The following SPICE1 variants were observed in gnomAD, a reference collection of about 807,000 sequenced individuals.
The protein encoded by SPICE1 is spindle and centriole associated protein 1.
Under a neutral mutation model 102.7 loss-of-function variants are expected in SPICE1, and 75 were observed. The ratio of observed to expected loss-of-function variants is 0.73; its 90% CI spans 0.61 to 0.88. The LOEUF (loss-of-function observed/expected upper bound fraction) is 0.88, where lower values mean the gene tolerates loss of function less well. SPICE1 is among the 40% of genes least tolerant of loss of function. The pLI is 0.00. For missense variants in SPICE1, 979 were observed against 1,020.1 expected (o/e 0.96, Z 0.55); for synonymous variants, 308 against 350.3 (o/e 0.88, Z 1.35).
At chr3:113,492,189 G>T (rs1268917606) in intron 6 of SPICE1, among the ~76,000 whole-genome samples, 1 of 152,164 alleles carries the variant, frequency 6.6e-6, no homozygotes, top group East Asian at 1.9e-4. Flanking sequence ...ATGGTAAAAG[G>T]TTTTTGGCTA....
At chr3:113,451,749 T>C (rs1406045593) in intron 14 of SPICE1, among the ~76,000 whole-genome samples, 1 of 152,176 alleles carries the variant, frequency 6.6e-6, no homozygotes, top group African/African-American at 2.4e-5. Context: ...CCACTACCAA[T>C]GGCTGGCTGC....
At chr3:113,493,958 T>C (rs559721787) in intron 5 of SPICE1, 91 bp downstream of exon 5, 2 of 797,080 alleles carry the variant, frequency 2.5e-6, no homozygotes, top group South Asian at 1.8e-5. Flanking sequence ...ATAAATAATA[T>C]GATGCCTAAG....
Position 113,506,562 on chromosome 3 carries a change from A to G in SPICE1, c.44T>C (p.Val15Ala). 3 of 1,613,628 alleles carry G rather than the reference A, an allele frequency of 1.9e-6. No homozygotes were observed. Reference protein sequence around the residue: ...RVNRCGPRVGVRKTPKVKKKK... With the variant: ...RVNRCGPRVGARKTPKVKKKK... The stretch of plus-strand genomic sequence containing the variant: ...CTTCTTTACTTTCGGTGTCTTTCTT[A>G]CACCAACTCGGGGACCACAGCGGTT... Residue 15 changes from valine to alanine, a missense_variant, in exon 2 of 18, where the codon GTA becomes GCA. Transcript: ENST00000295872.
chr3:113,459,865 G>C (rs1342631270), intron 12 of SPICE1: 4 of 978,912 alleles, frequency 4.1e-6, no homozygotes, highest in Admixed American at 6.3e-5. Context: ...CTGGGTGACA[G>C]AGCGAAACTC....
chr3:113,502,821 A>G (rs1018953214), intron 3 of SPICE1, among the ~76,000 whole-genome samples: 1 of 152,178 alleles, frequency 6.6e-6, no homozygotes, highest in African/African-American at 2.4e-5. Flanking sequence ...AAATACACAG[A>G]AATTATTACA....
intron 7 of SPICE1, among the ~76,000 whole-genome samples, chr3:113,473,937 T>A (rs1936271123): frequency 6.6e-6 from 1 of 151,726 alleles, no homozygotes. Flanking sequence ...CACTTAACAA[T>A]ATTAACTTTA....
intron 15 of SPICE1, 68 bp from the exon 16 acceptor site, chr3:113,448,208 T>C (rs1935563279): frequency 7.3e-7 from 1 of 1,370,126 alleles, no homozygotes; most frequent in African/African-American, 1.5e-5. Flanking sequence ...TCAATTTCTA[T>C]CTTACTGCAA....
At chr3:113,496,798 T>C (rs1031851252) in intron 4 of SPICE1, among the ~76,000 whole-genome samples, 1 of 152,210 alleles carries the variant, frequency 6.6e-6, no homozygotes, top group African/African-American at 2.4e-5. Context: ...ACAGAGACGT[T>C]GCAAATTTAC....
rs377711301 is a variant in SPICE1, at chr3:113,503,720, C to A, written c.100-493G>T. 2.6e-4 allele frequency among the ~76,000 whole-genome samples: 40 copies of A among 152,014 alleles called. 1 individual carries two copies. The highest frequency in any genetic ancestry group is 8.7e-4 in the African/African-American group (36 of 41,490). On this transcript the variant is annotated intron_variant, in intron 2 of 17. Transcript: ENST00000295872. ...GGCTGAGGTGGGTGGACCACCTGAG[C>A]TCAGGAGTTCGAGAACAGCCAGGCC...
rs761189914 is a variant in SPICE1, at chr3:113,468,277, A to C, written c.1017T>G (p.His339Gln). The change falls in exon 10 of 18, where the codon CAT becomes CAG. Residue 339 changes from histidine to glutamine, a missense_variant. Physicochemically the swap from His to Gln is conservative, Grantham distance 24 (BLOSUM62 0). Transcript: ENST00000295872. ...SNLDVLKHMI[H>Q]EVEHEMEEYE... Reference sequence around the variant, plus strand: ...ATTCTTCCATTTCATGTTCCACTTCATGTATCATGTGTTTGAGGACATCCA... The same window carrying C: ...ATTCTTCCATTTCATGTTCCACTTCCTGTATCATGTGTTTGAGGACATCCA... 5 of 1,614,106 alleles carry C rather than the reference A, an allele frequency of 3.1e-6. No homozygotes were observed. The South Asian group carries it at 3.3e-5, about 11-fold the overall frequency.
chr3:113,445,233 A>G lies in SPICE1; in HGVS notation c.*74T>C, dbSNP rs151231648. On this transcript the variant is annotated 3_prime_UTR_variant, in exon 18 of 18. Coordinates refer to ENST00000295872, the MANE Select transcript of SPICE1 (RefSeq NM_144718.4). ...AGGTTTTATCTGAAAGAAGGATATA[A>G]AAACTTAAAAGTCAGAGCAGGGAAA... The G allele has an allele frequency of 2.3e-3, 2,804 of 1,245,260 alleles. 80 individuals are homozygous for G. The East Asian group carries it at 0.059, about 26-fold the overall frequency. 77.1% of individuals were successfully genotyped at this position (1,245,260 alleles called of 1,614,324 possible).
At chr3:113,477,043 A>G (rs1268939025) in intron 7 of SPICE1, among the ~76,000 whole-genome samples, 1 of 151,958 alleles carries the variant, frequency 6.6e-6, no homozygotes, top group Non-Finnish European at 1.5e-5. Context: ...CATCTGACAA[A>G]GGGCTAATAT....
chr3:113,508,310 G>A (rs1050086171), intron 1 of SPICE1, among the ~76,000 whole-genome samples: 4 of 151,980 alleles, frequency 2.6e-5, no homozygotes, highest in East Asian at 1.9e-4. Context: ...TTTGTGCTTC[G>A]AAGGCACAAT....
At chr3:113,446,708 G>A in intron 16 of SPICE1, 32 bp from the exon 17 acceptor site, 1 of 1,513,356 alleles carries the variant, frequency 6.6e-7, no homozygotes, top group Non-Finnish European at 9.2e-7. Flanking sequence ...GAGTAAGAGA[G>A]TGAGCTATCA....
intron 14 of SPICE1, 76 bp downstream of exon 14, chr3:113,453,390 G>A (rs1240850285): frequency 7.9e-6 from 12 of 1,509,840 alleles, no homozygotes; most frequent in Middle Eastern, 1.8e-4. Context: ...CTGAAAAGAA[G>A]TTTCTTAAGT....
intron 7 of SPICE1, 88 bp downstream of exon 7, chr3:113,488,857 T>C: frequency 1.4e-6 from 1 of 729,992 alleles, no homozygotes; most frequent in Non-Finnish European, 2.3e-6. Flanking sequence ...TAAACTCCCA[T>C]TTAATAAAAA....
At chr3:113,514,845 G>C in intron 1 of SPICE1, 52 bp downstream of exon 1, 1 of 1,237,550 alleles carries the variant, frequency 8.1e-7, no homozygotes, top group Non-Finnish European at 1.0e-6. Context: ...GCATACTCGA[G>C]GTGCTCTGGC....
intron 1 of SPICE1, among the ~76,000 whole-genome samples, chr3:113,513,392 CAA>C (rs1338414335): frequency 2.0e-5 from 3 of 152,134 alleles, no homozygotes; most frequent in Non-Finnish European, 4.4e-5. Flanking sequence ...GCCTAGGTGA[CAA>C]AGTGAGGCTC....
intron 13 of SPICE1, 23 bp downstream of exon 13, chr3:113,457,113 T>C (rs777574676): frequency 1.9e-6 from 3 of 1,603,120 alleles, no homozygotes; most frequent in African/African-American, 1.3e-5. Flanking sequence ...ACAACTTTCA[T>C]GTAACTTTAG....
Sources: allele counts gnomAD v4.1 joint callset (sites outside exome capture counted in the v4.1 genomes callset), GRCh38; gene constraint gnomAD v4.1.1; transcripts MANE v1.5; gene names NCBI Gene and HGNC (gene_info 2026-07-23, HGNC 2026-07-21).